Variants in PRDM10 observed in about 807,000 individuals in gnomAD.
PRDM10 encodes PR domain zinc finger protein 10.
PRDM10 carries 65 observed loss-of-function variants against 133.1 expected under a neutral mutation model. The observed-to-expected ratio is 0.49, with a 90% confidence interval of 0.40 to 0.60. PRDM10 has a LOEUF of 0.60. Ranked by LOEUF, PRDM10 falls within the 20% of genes least tolerant of loss-of-function variation. The pLI is 0.00. For missense variants in PRDM10, 1,137 were observed against 1,507.1 expected (o/e 0.75, Z 4.07); for synonymous variants, 582 against 580.4 (o/e 1.00, Z -0.04).
At chr11:129,992,125 T>C (rs373783526) in intron 1 of PRDM10, among the ~76,000 whole-genome samples, 1 of 152,232 alleles carries the variant, frequency 6.6e-6, no homozygotes, top group East Asian at 1.9e-4. Flanking sequence ...ACCTACAACA[T>C]GTTAGCTTCA....
intron 19 of PRDM10, among the ~76,000 whole-genome samples, chr11:129,909,052 A>G (rs1950100722): frequency 6.6e-6 from 1 of 152,048 alleles, no homozygotes. Context: ...TTTCACAGGA[A>G]TTACACTGAG....
chr11:129,961,208 T>C, intron 1 of PRDM10, 126 bp from the exon 2 acceptor site: 1 of 477,584 alleles, frequency 2.1e-6, no homozygotes, highest in Non-Finnish European at 3.7e-6. Flanking sequence ...CAAAAAAATG[T>C]AAAAATGAAG....
intron 2 of PRDM10, 85 bp downstream of exon 2, chr11:129,960,811 G>C: frequency 2.1e-6 from 3 of 1,398,244 alleles, no homozygotes; most frequent in Non-Finnish European, 1.0e-6. Context: ...GTCACTACTA[G>C]ATAGCAGCTG....
Position 129,925,190 on chromosome 11 carries a change from G to A in PRDM10, c.1570C>T (p.Arg524Trp), listed in dbSNP as rs748608494. Residue 524 changes from arginine to tryptophan, a missense_variant, in exon 12 of 21, where the codon CGG becomes TGG. Arg to Trp is a moderately radical substitution (Grantham distance 101). This residue lies in a region of PRDM10 where 635 missense variants were observed against 835.2 expected (regional missense o/e 0.76). Coordinates refer to ENST00000360871, the MANE Select transcript of PRDM10 (RefSeq NM_199437.2). ...CCACACTGCAAGCATTTAAAAGGCC[G>A]GAAGGACTTCCGAATAAACAGATGC... ...LQHLFIRKSF[R>W]PFKCLQCGKA... The A allele has an allele frequency of 1.3e-5, 21 of 1,613,350 alleles. No individual in the cohort carries two copies. Among genetic ancestry groups the A allele is most frequent in the Admixed American group, 8.4e-5 (5 of 59,820 alleles).
intron 20 of PRDM10, among the ~76,000 whole-genome samples, chr11:129,904,820 A>G (rs1392023349): frequency 1.3e-5 from 2 of 152,228 alleles, no homozygotes; most frequent in African/African-American, 4.8e-5. Context: ...TTCTAAATTC[A>G]CATGTATGTA....
chr11:129,948,795 T>G (rs1277058886), intron 4 of PRDM10, among the ~76,000 whole-genome samples: 1 of 152,240 alleles, frequency 6.6e-6, no homozygotes, highest in East Asian at 1.9e-4. Context: ...TATTTCGCAG[T>G]GGATTCCATA....
chr11:129,935,103 G>A lies in PRDM10; in HGVS notation c.1155C>T (p.Ser385=), dbSNP rs1374338769. The A allele has an allele frequency of 1.9e-6, 3 of 1,611,030 alleles. No homozygotes were observed. The highest frequency in any genetic ancestry group is 2.7e-5 in the African/African-American group (2 of 74,844). The change falls in exon 9 of 21, where the codon AGC becomes AGT. Residue 385 remains serine (S), a splice_region_variant and synonymous_variant. Transcript: ENST00000360871. ...NSHDEKLDVF[S]RTRGRGRGRG... ...GAGCATTTCTCCCTCATACATACCT[G>A]CTAAACACATCTAGTTTCTCATCAT...
intron 1 of PRDM10, among the ~76,000 whole-genome samples, chr11:129,973,935 C>T (rs1315654820): frequency 6.6e-6 from 1 of 152,214 alleles, no homozygotes; most frequent in East Asian, 1.9e-4. Flanking sequence ...ATTCCTCTGC[C>T]TTGCCTAGCT....
rs754183329 is a variant in PRDM10 at position 129,915,810 on chromosome 11, T to C, written c.2376A>G (p.Pro792=). ...KRKAHILKNH[P]GAELPPSIRK... ...GAATGCTCGGTGGGAGCTCTGCTCCTGGGTGGTTCTTCAGAATGTGGGCTT... is the reference window on the plus strand; with the variant it reads ...GAATGCTCGGTGGGAGCTCTGCTCCCGGGTGGTTCTTCAGAATGTGGGCTT... The change falls in exon 16 of 21, where the codon CCA becomes CCG. Residue 792 remains proline, a synonymous_variant. Coordinates refer to ENST00000360871, the MANE Select transcript of PRDM10 (RefSeq NM_199437.2). The C allele has an allele frequency of 1.2e-5, 20 of 1,614,094 alleles. No individual in the cohort carries two copies. Among genetic ancestry groups the C allele is most frequent in the Non-Finnish European group, 1.7e-5 (20 of 1,180,040 alleles).
At chr11:130,000,032 T>C (rs78951514) in intron 1 of PRDM10, among the ~76,000 whole-genome samples, 1,916 of 151,462 alleles carry the variant, frequency 0.013, 43 homozygotes, top group African/African-American at 0.044. Flanking sequence ...TTTTTTTCAC[T>C]CGCTTCTAAA....
At position 129,902,256 on chromosome 11, in the gene PRDM10, T is replaced by C. The variant is rs1591556267; in HGVS notation, c.*57A>G. 3 of 1,568,216 alleles carry C rather than the reference T, an allele frequency of 1.9e-6. No individual in the cohort carries two copies. The highest frequency in any genetic ancestry group is 2.7e-5 in the African/African-American group (2 of 73,454). ...AAAAGAGCTCTACGTGTCAGAGCTT[T>C]CAGACTTATGAGAACAGACATGAGG... On this transcript the variant is annotated 3_prime_UTR_variant, in exon 21 of 21. Coordinates refer to ENST00000360871, the MANE Select transcript of PRDM10 (RefSeq NM_199437.2).
intron 1 of PRDM10, among the ~76,000 whole-genome samples, chr11:129,971,872 G>A (rs536764200): frequency 2.6e-4 from 39 of 152,346 alleles, no homozygotes; most frequent in African/African-American, 8.7e-4. Flanking sequence ...ACTGGGTGCC[G>A]TAGAGCAGGG....
At position 129,900,851 on chromosome 11, in the gene PRDM10, G is replaced by A. The variant is rs940714648; in HGVS notation, c.*1462C>T. On this transcript the variant is annotated 3_prime_UTR_variant, in exon 21 of 21. Coordinates refer to ENST00000360871, the MANE Select transcript of PRDM10 (RefSeq NM_199437.2). ...GAACGCAGTCTCAGAAATAAAGTGC[G>A]AAATCTACACATCAATAAAGTTCTT... is the stretch of plus-strand genomic sequence containing the variant. The A allele has an allele frequency of 1.3e-5, 2 of 152,458 alleles. No individual in the cohort carries two copies. Among genetic ancestry groups the A allele is most frequent in the Non-Finnish European group, 2.9e-5 (2 of 68,008 alleles). 9.4% of individuals were successfully genotyped at this position (152,458 alleles called of 1,614,324 possible).
chr11:129,922,079 T>A (rs1051405587), intron 13 of PRDM10, among the ~76,000 whole-genome samples: 2 of 152,216 alleles, frequency 1.3e-5, no homozygotes, highest in African/African-American at 4.8e-5. Flanking sequence ...CACTTCTCCA[T>A]CTTCTCCTAT....
Position 129,901,256 on chromosome 11 carries a change from T to C in PRDM10, c.*1057A>G, listed in dbSNP as rs1182219324. 3 of 152,636 alleles carry C rather than the reference T, an allele frequency of 2.0e-5. No individual in the cohort carries two copies. The highest frequency in any genetic ancestry group is 7.2e-5 in the African/African-American group (3 of 41,452). The allele number at this position is 152,636 out of a possible 1,614,324, so 9.5% of individuals were successfully genotyped here. A position where few individuals can be genotyped will look rare whatever the true frequency, so the allele number is the denominator to read the frequency against. On this transcript the variant is annotated 3_prime_UTR_variant, in exon 21 of 21. Transcript: ENST00000360871. ...AGATGAGTCACAATATGTTTAAAGTTAAAAATGTTAATAAATAAGAAATGC... is the reference window on the plus strand; with the variant it reads ...AGATGAGTCACAATATGTTTAAAGTCAAAAATGTTAATAAATAAGAAATGC...
intron 1 of PRDM10, among the ~76,000 whole-genome samples, chr11:129,996,309 C>G (rs1279840800): frequency 6.6e-6 from 1 of 152,212 alleles, no homozygotes; most frequent in Non-Finnish European, 1.5e-5. Context: ...TCAGCTTGCT[C>G]TGGTACAGGG....
chr11:129,923,237 T>A lies in PRDM10; in HGVS notation c.2034+11A>T. On this transcript the variant is annotated intron_variant, in intron 13 of 20. Transcript: ENST00000360871. This position sits in a 1 kb window ranked among gnomAD's most constrained non-coding sequence, Gnocchi z 4.4. ...ACGAGAACCACCTTGGGCTGTGCCT[T>A]GGTGTCATACCTTAAATTGCTTCCC... 6.4e-7 allele frequency: 1 copy of A among 1,568,736 alleles called. No individual in the cohort carries two copies. Among genetic ancestry groups the A allele is most frequent in the South Asian group, 1.2e-5 (1 of 85,400 alleles).
chr11:129,969,906 G>A (rs1028204563), intron 1 of PRDM10, among the ~76,000 whole-genome samples: 1 of 152,098 alleles, frequency 6.6e-6, no homozygotes, highest in South Asian at 2.1e-4. Flanking sequence ...TCATACTTAA[G>A]ATTAGATTCT....
intron 1 of PRDM10, among the ~76,000 whole-genome samples, chr11:129,983,376 G>C (rs1158435735): frequency 3.3e-5 from 5 of 150,310 alleles, no homozygotes; most frequent in South Asian, 2.1e-4. Context: ...CTCACTGCAA[G>C]CTCTGCCTCC....
Sources: gnomAD v4.1 joint callset for allele counts (sites outside exome capture counted in the v4.1 genomes callset) on GRCh38, gnomAD v4.1.1 for gene constraint, gnomAD v4.1.1 regional missense constraint, Gnocchi (gnomAD v3.1) non-coding constraint, MANE v1.5 for transcripts, NCBI Gene and HGNC (gene_info 2026-07-23, HGNC 2026-07-21) for gene names.